Variants in GTPBP6 observed in about 807,000 individuals in gnomAD.
GTPBP6 encodes the protein putative GTP-binding protein 6.
In GTPBP6, 33 loss-of-function variants were observed where a neutral mutation model predicts 28.9. That is an observed-to-expected ratio of 1.14 (90% CI 0.87 to 1.53). The LOEUF is 1.53. Ranked by LOEUF, GTPBP6 falls within the 40% of genes most tolerant of loss-of-function variation. The probability of loss-of-function intolerance (pLI) is 0.00; values close to 1 mark genes in which losing one functional copy is unlikely to be tolerated. For missense variants in GTPBP6, 507 were observed against 408.3 expected, an observed-to-expected ratio of 1.24 and a Z score of -2.08; for synonymous variants, 231 against 192.7, an observed-to-expected ratio of 1.20 and a Z score of -1.65.
intron 7 of GTPBP6, among the ~76,000 whole-genome samples, chrX:309,234 C>A (rs147584230): frequency 0.027 from 4,105 of 152,258 alleles, 65 homozygotes; most frequent in South Asian, 0.045. Flanking sequence ...CCGTGCTCTT[C>A]ATGCACTTGG....
intron 9 of GTPBP6, among the ~76,000 whole-genome samples, chrX:307,062 C>T (rs2070185237): frequency 6.6e-6 from 1 of 151,426 alleles, no homozygotes; most frequent in South Asian, 2.1e-4. Context: ...TACTGTCAAG[C>T]ACAGATTAGG....
chrX:314,131 C>T lies in GTPBP6; in HGVS notation c.757+19G>A, dbSNP rs369793346. On this transcript the variant is annotated intron_variant, in intron 5 of 9. Transcript: ENST00000326153. Reference sequence around the variant, plus strand: ...GCATTCCGAGGACCCTCTGGGACGCCGCGCCCGGCCCGAGTTACCTGACCC... The same window carrying T: ...GCATTCCGAGGACCCTCTGGGACGCTGCGCCCGGCCCGAGTTACCTGACCC... 200 of 1,603,854 alleles carry T rather than the reference C, an allele frequency of 1.2e-4. No homozygotes were observed. The African/African-American group carries it at 1.8e-3, about 14-fold the overall frequency.
At chrX:311,661 A>T (rs372229457) in intron 6 of GTPBP6, 34 bp from the exon 7 acceptor site, 4 of 1,534,050 alleles carry the variant, frequency 2.6e-6, no homozygotes, top group Admixed American at 3.3e-5. Context: ...CGCTGCAGAG[A>T]TCCCTGCGTC....
intron 5 of GTPBP6, 92 bp from the exon 6 acceptor site, chrX:313,016 C>CCT: frequency 2.7e-6 from 3 of 1,110,584 alleles, no homozygotes; most frequent in South Asian, 3.1e-5. Context: ...GGGCCCGGGG[C>CCT]CTGCTCCCGC....
chrX:318,646 C>G, exon 1 of GTPBP6: 1 of 397,514 alleles, frequency 2.5e-6, no homozygotes, highest in Non-Finnish European at 4.4e-6. Context: ...CACGGCCCCT[C>G]CAGATTCCCG....
At chrX:314,388 G>C (rs894785809) in intron 4 of GTPBP6, among the ~76,000 whole-genome samples, 171 bp from the exon 5 acceptor site, 2 of 152,170 alleles carry the variant, frequency 1.3e-5, no homozygotes, top group African/African-American at 4.8e-5. Flanking sequence ...CGCGTGTCCC[G>C]GGCCGAGGGG....
At chrX:305,676 G>A (rs1281722616) in intron 9 of GTPBP6, among the ~76,000 whole-genome samples, 3 of 148,278 alleles carry the variant, frequency 2.0e-5, no homozygotes, top group African/African-American at 7.7e-5. Flanking sequence ...CCAGGCTGGG[G>A]TGCAGTGGCA....
intron 9 of GTPBP6, among the ~76,000 whole-genome samples, chrX:305,471 G>T (rs1400499715): frequency 1.3e-5 from 2 of 151,442 alleles, no homozygotes; most frequent in Non-Finnish European, 2.9e-5. Context: ...ACAGGTGCAT[G>T]CCACCACACC....
intron 1 of GTPBP6, among the ~76,000 whole-genome samples, chrX:317,743 G>A (rs1304993456): frequency 1.5e-5 from 1 of 68,672 alleles, no homozygotes; most frequent in African/African-American, 5.9e-5. Context: ...GGACCCCACG[G>A]GCCCCACCCC....
intron 9 of GTPBP6, among the ~76,000 whole-genome samples, 167 bp from the exon 10 acceptor site, chrX:305,364 T>C (rs55716031): frequency 0.055 from 8,271 of 149,348 alleles, 715 homozygotes; most frequent in African/African-American, 0.19. Flanking sequence ...CTCTGTCGCG[T>C]AGGCTGGAGT....
intron 5 of GTPBP6, 46 bp downstream of exon 5, chrX:314,104 C>T: frequency 4.8e-6 from 7 of 1,466,374 alleles, no homozygotes; most frequent in South Asian, 1.1e-5. Flanking sequence ...CCGCTGACAA[C>T]CGCATTCCGA....
intron 7 of GTPBP6, among the ~76,000 whole-genome samples, chrX:308,662 A>G (rs1201866428): frequency 6.6e-6 from 1 of 152,036 alleles, no homozygotes; most frequent in African/African-American, 2.4e-5. Flanking sequence ...TCTGGGTGAC[A>G]GAGCGAGACC....
chrX:305,291 C>G, intron 9 of GTPBP6, 94 bp from the exon 10 acceptor site: 1 of 892,920 alleles, frequency 1.1e-6, no homozygotes, highest in Non-Finnish European at 1.8e-6. Context: ...GAGCTTAGCT[C>G]AAACCATTCA....
In GTPBP6 at chrX:307,739, C is replaced by T. The variant is rs756964596; in HGVS notation, c.1267G>A (p.Val423Met). 6.7e-6 allele frequency: 10 copies of T among 1,481,520 alleles called. No individual in the cohort carries two copies. In the Admixed American group the frequency reaches 1.3e-4, roughly 19 times the overall value. The allele number at this position is 1,481,520 out of a possible 1,614,324, so 91.8% of individuals were successfully genotyped here. ...CCCCAGGGCCGGACTCACCCGGGCA[C>T]GAGGTCCACCTTGTTGTGAACCTCC... The change falls in exon 8 of 10, where the codon GTG becomes ATG. Residue 423 changes from valine to methionine, a missense_variant. Transcript: ENST00000326153.
At chrX:311,392 C>A in intron 7 of GTPBP6, 27 bp downstream of exon 7, 1 of 1,562,726 alleles carries the variant, frequency 6.4e-7, no homozygotes, top group Non-Finnish European at 8.7e-7. Context: ...TGTCCGAGCA[C>A]CCGATCCCCG....
intron 1 of GTPBP6, among the ~76,000 whole-genome samples, chrX:317,635 C>T (rs2070462082): frequency 6.6e-6 from 1 of 151,492 alleles, no homozygotes; most frequent in East Asian, 2.0e-4. Context: ...ACCGTGCCTA[C>T]CTCTAACCCA....
At chrX:304,874 G>A in exon 10 of GTPBP6, 1 of 1,435,468 alleles carries the variant, frequency 7.0e-7, no homozygotes, top group Non-Finnish European at 9.1e-7. Context: ...TGGACGCTCG[G>A]GCGGCCCGCT....
At position 312,718 on chromosome X, in the gene GTPBP6, C is replaced by T. The variant is rs376223779; in HGVS notation, c.916+48G>A. 1,061 of 1,113,380 alleles carry T rather than the reference C, an allele frequency of 9.5e-4. 3 individuals carry two copies. The highest frequency in any genetic ancestry group is 1.6e-3 in the East Asian group (46 of 29,286). 69.0% of individuals were successfully genotyped at this position (1,113,380 alleles called of 1,614,324 possible). On this transcript the variant is annotated intron_variant, in intron 6 of 9. Transcript: ENST00000326153. Reference sequence around the variant, plus strand: ...TGCCCTCCCCCGGGCGAGTCCTCACCGGTGACACGGAGACCGCGGAAGGCC... The same window carrying T: ...TGCCCTCCCCCGGGCGAGTCCTCACTGGTGACACGGAGACCGCGGAAGGCC...
intron 6 of GTPBP6, chrX:311,831 G>A (rs1223535358): frequency 2.0e-5 from 12 of 611,072 alleles, no homozygotes; most frequent in African/African-American, 3.7e-5. Context: ...CCGATGGAGC[G>A]GGGCCGCCGT....
Sources: allele counts gnomAD v4.1 joint callset (sites outside exome capture counted in the v4.1 genomes callset), GRCh38; gene constraint gnomAD v4.1.1; transcripts MANE v1.5; gene names NCBI Gene and HGNC (gene_info 2026-07-23, HGNC 2026-07-21).